GRM7: variants seen among roughly 807,000 people sequenced by gnomAD.
GRM7 encodes the protein glutamate metabotropic receptor 7, also known as metabotropic glutamate receptor 7.
In GRM7, 35 loss-of-function variants were observed where a neutral mutation model predicts 84.5. The observed-to-expected ratio is 0.41, with a 90% CI of 0.32 to 0.55. GRM7 has a LOEUF of 0.55. Among genes scored for constraint, GRM7 ranks in the 20% least tolerant of loss-of-function variants. The pLI is 0.19. For missense variants in GRM7, 1,003 were observed against 1,194.6 expected, an observed-to-expected ratio of 0.84 and a Z score of 2.36; for synonymous variants, 487 against 455.1, an observed-to-expected ratio of 1.07 and a Z score of -0.89.
chr3:7,644,122 G>GTGT (rs368325128), intron 8 of GRM7, among the ~76,000 whole-genome samples: 1 of 97,294 alleles, frequency 1.0e-5, no homozygotes, highest in Non-Finnish European at 2.2e-5. Context: ...TGTGCATGTT[G>GTGT]TGTGTGTGTG....
At chr3:7,201,850 C>A (rs565393678) in intron 2 of GRM7, among the ~76,000 whole-genome samples, 2 of 152,230 alleles carry the variant, frequency 1.3e-5, no homozygotes, top group East Asian at 3.9e-4. Context: ...GAAACTAATT[C>A]TTAGTTAAAA....
intron 8 of GRM7, among the ~76,000 whole-genome samples, chr3:7,645,528 C>T (rs1698587733): frequency 1.8e-5 from 2 of 114,080 alleles, no homozygotes; most frequent in African/African-American, 7.1e-5. Context: ...GCCTGGGTGA[C>T]AGAGCAAGAC....
intron 7 of GRM7, among the ~76,000 whole-genome samples, chr3:7,573,530 G>A (rs571217590): frequency 6.6e-6 from 1 of 152,094 alleles, no homozygotes; most frequent in South Asian, 2.1e-4. Context: ...TATCTCTTTG[G>A]TTTTTGTGTT....
At chr3:6,917,477 TGAA>T (rs1199158241) in intron 1 of GRM7, among the ~76,000 whole-genome samples, 1 of 145,672 alleles carries the variant, frequency 6.9e-6, no homozygotes, top group East Asian at 2.0e-4. Context: ...TGGAAATCAA[TGAA>T]GTTTTGTTAA....
chr3:7,266,244 A>G (rs188801647), intron 2 of GRM7, among the ~76,000 whole-genome samples: 1 of 152,240 alleles, frequency 6.6e-6, no homozygotes, highest in Admixed American at 6.5e-5. Context: ...TGCTATTAAA[A>G]CCCACTTTTT....
intron 2 of GRM7, among the ~76,000 whole-genome samples, chr3:7,173,725 C>A (rs1057150149): frequency 6.6e-5 from 10 of 152,144 alleles, no homozygotes; most frequent in African/African-American, 1.9e-4. Context: ...ACCCCACATT[C>A]ATTTACTCAG....
intron 1 of GRM7, among the ~76,000 whole-genome samples, chr3:6,930,453 G>C (rs1697462925): frequency 6.6e-6 from 1 of 152,136 alleles, no homozygotes; most frequent in Admixed American, 6.5e-5. Flanking sequence ...TCAATATGTA[G>C]TGTAGGCAAC....
At chr3:7,092,603 G>C (rs1005633891) in intron 1 of GRM7, among the ~76,000 whole-genome samples, 57 of 149,758 alleles carry the variant, frequency 3.8e-4, no homozygotes, top group African/African-American at 1.1e-3. Flanking sequence ...TTTGAATTGG[G>C]GGGGGGGCAA....
In GRM7 at chr3:7,740,365, G is replaced by A; in HGVS notation, c.2707G>A (p.Ala903Thr). The A allele has an allele frequency of 1.3e-6, 2 of 1,585,638 alleles. No homozygotes were observed. The highest frequency in any genetic ancestry group is 1.1e-5 in the South Asian group (1 of 88,842). ...CENVDPNSPA[A>T]KKKYVSYNNL... is the part of the protein sequence containing the mutation. Reference sequence around the variant, plus strand: ...TCTAATTTTTCTTTCAGGCCCTGCTGCAAAAAAGAAGTATGTCAGTTATAA... The same window carrying A: ...TCTAATTTTTCTTTCAGGCCCTGCTACAAAAAAGAAGTATGTCAGTTATAA... The change falls in exon 10 of 10, where the codon GCA becomes ACA. Residue 903 changes from alanine (A) to threonine (T), a missense_variant. By Grantham distance (58) the Ala-to-Thr change is moderately conservative (BLOSUM62 0). Coordinates refer to ENST00000357716, the MANE Select transcript of GRM7 (RefSeq NM_000844.4).
At chr3:7,352,057 C>CCCCACACACACA (rs1553565352) in intron 4 of GRM7, among the ~76,000 whole-genome samples, 1 of 136,894 alleles carries the variant, frequency 7.3e-6, no homozygotes, top group African/African-American at 2.8e-5. Context: ...CACACACACA[C>CCCCACACACACA]CACACACACA....
chr3:7,448,345 ACT>A (rs1306714404), intron 5 of GRM7, among the ~76,000 whole-genome samples: 2 of 151,846 alleles, frequency 1.3e-5, no homozygotes, highest in African/African-American at 4.8e-5. Context: ...ACAATGGCAA[ACT>A]CTTTCCTTAT....
intron 7 of GRM7, among the ~76,000 whole-genome samples, chr3:7,463,512 G>A (rs543071251): frequency 3.3e-5 from 5 of 152,242 alleles, no homozygotes; most frequent in African/African-American, 9.6e-5. Flanking sequence ...CACAGTGGAG[G>A]TGAAACAAAT....
chr3:6,934,260 A>G (rs1270342720), intron 1 of GRM7, among the ~76,000 whole-genome samples: 1 of 152,116 alleles, frequency 6.6e-6, no homozygotes, highest in African/African-American at 2.4e-5. Flanking sequence ...CCATAAGAAA[A>G]TCTGTTTACT....
At chr3:7,397,634 CA>C (rs1231113709) in intron 4 of GRM7, among the ~76,000 whole-genome samples, 2 of 152,096 alleles carry the variant, frequency 1.3e-5, no homozygotes, top group African/African-American at 4.8e-5. Context: ...GATCATTGCA[CA>C]TTGCATGCCC....
intron 9 of GRM7, among the ~76,000 whole-genome samples, chr3:7,726,613 CTATATATATATATATA>C (rs56250356): frequency 0.19 from 10,919 of 58,286 alleles, 908 homozygotes; most frequent in Non-Finnish European, 0.25. Flanking sequence ...CTCTCTCCCT[CTATATATATATATATA>C]TATATATATA....
intron 4 of GRM7, among the ~76,000 whole-genome samples, chr3:7,365,601 G>T (rs987216832): frequency 6.8e-6 from 1 of 146,244 alleles, no homozygotes; most frequent in African/African-American, 2.5e-5. Flanking sequence ...GTCTTTCATG[G>T]TCCATACAGT....
chr3:7,236,689 C>A (rs1697360678), intron 2 of GRM7, among the ~76,000 whole-genome samples: 1 of 152,168 alleles, frequency 6.6e-6, no homozygotes, highest in Non-Finnish European at 1.5e-5. Flanking sequence ...CAGGTTAGTA[C>A]CCTCACCACA....
intron 2 of GRM7, among the ~76,000 whole-genome samples, chr3:7,259,955 T>TTTTTTTTTTTTTTTTTTTTTTTG (rs1177759900): frequency 6.8e-6 from 1 of 146,336 alleles, no homozygotes; most frequent in African/African-American, 2.6e-5. Flanking sequence ...CAGCATCTGT[T>TTTTTTTTTTTTTTTTTTTTTTTG]TTTTTTTTTT....
At chr3:7,119,235 A>G (rs558324872) in intron 1 of GRM7, among the ~76,000 whole-genome samples, 1 of 152,214 alleles carries the variant, frequency 6.6e-6, no homozygotes, top group South Asian at 2.1e-4. Context: ...CCCATATGAT[A>G]CATTCACATT....
Sources: gnomAD v4.1 joint callset for allele counts (sites outside exome capture counted in the v4.1 genomes callset) on GRCh38, gnomAD v4.1.1 for gene constraint, MANE v1.5 for transcripts, NCBI Gene and HGNC (gene_info 2026-07-23, HGNC 2026-07-21) for gene names.